VPS13B: variants seen among roughly 807,000 people sequenced by gnomAD.
VPS13B encodes vacuolar protein sorting 13 homolog B.
Under a neutral mutation model 426.4 loss-of-function variants are expected in VPS13B, and 285 were observed. That is an observed-to-expected ratio of 0.67 (90% CI 0.61 to 0.74). The LOEUF is 0.74. VPS13B is among the 30% of genes least tolerant of loss of function. VPS13B has a pLI of 0.00. For missense variants in VPS13B, 4,537 were observed against 4,782.6 expected (o/e 0.95, Z 1.51); for synonymous variants, 1,676 against 1,676.4 (o/e 1.00, Z 0.01).
chr8:99,772,774 G>A (rs115980347), intron 40 of VPS13B, among the ~76,000 whole-genome samples: 2,019 of 152,268 alleles, frequency 0.013, 36 homozygotes, highest in African/African-American at 0.045. Flanking sequence ...AACAACCATT[G>A]TAAGGAGTGG....
At chr8:99,250,675 T>C (rs1817456981) in intron 17 of VPS13B, among the ~76,000 whole-genome samples, 1 of 62,226 alleles carries the variant, frequency 1.6e-5, no homozygotes, top group South Asian at 6.7e-4. Flanking sequence ...TTTTTTTTTT[T>C]TTTTTTTTTT....
intron 34 of VPS13B, among the ~76,000 whole-genome samples, chr8:99,645,273 A>G (rs999172317): frequency 6.6e-6 from 1 of 152,208 alleles, no homozygotes. Flanking sequence ...GTATACCTAT[A>G]TCATTATGCA....
At chr8:99,192,304 C>T (rs1294667915) in intron 16 of VPS13B, among the ~76,000 whole-genome samples, 1 of 152,150 alleles carries the variant, frequency 6.6e-6, no homozygotes, top group Non-Finnish European at 1.5e-5. Flanking sequence ...AATGTAAATA[C>T]TTCATAAATA....
intron 43 of VPS13B, among the ~76,000 whole-genome samples, chr8:99,785,358 A>G (rs1366545061): frequency 6.6e-6 from 1 of 152,132 alleles, no homozygotes; most frequent in Non-Finnish European, 1.5e-5. Context: ...AATACATTAT[A>G]CCCCTTGGGC....
chr8:99,477,244 C>G (rs922729608), intron 24 of VPS13B, among the ~76,000 whole-genome samples: 1 of 152,136 alleles, frequency 6.6e-6, no homozygotes, highest in Non-Finnish European at 1.5e-5. Context: ...CTAAAATGCA[C>G]GCAGACATAC....
chr8:99,059,294 T>C (rs1347806372), intron 3 of VPS13B, among the ~76,000 whole-genome samples: 2 of 152,164 alleles, frequency 1.3e-5, no homozygotes, highest in African/African-American at 4.8e-5. Flanking sequence ...AAGCCACCAA[T>C]GCCCGGCTAA....
intron 20 of VPS13B, among the ~76,000 whole-genome samples, chr8:99,385,581 G>A (rs1368917410): frequency 6.6e-6 from 1 of 152,132 alleles, no homozygotes; most frequent in African/African-American, 2.4e-5. Flanking sequence ...GTACACCATG[G>A]CCACAGAAAT....
intron 35 of VPS13B, among the ~76,000 whole-genome samples, chr8:99,690,975 A>G: frequency 6.6e-6 from 1 of 152,212 alleles, no homozygotes; most frequent in Non-Finnish European, 1.5e-5. Context: ...TTATTAACTG[A>G]TAATGGATAA....
chr8:99,328,275 G>A (rs1484397790), intron 19 of VPS13B, among the ~76,000 whole-genome samples: 1 of 152,142 alleles, frequency 6.6e-6, no homozygotes. Flanking sequence ...TGGTAAAATT[G>A]TCTTCCACAA....
chr8:99,446,655 A>G (rs1338780570), intron 23 of VPS13B, among the ~76,000 whole-genome samples: 5 of 151,830 alleles, frequency 3.3e-5, no homozygotes, highest in African/African-American at 7.3e-5. Flanking sequence ...TTTCTTTTCA[A>G]TTGTGTCTAA....
At chr8:99,060,829 C>CT (rs960655807) in intron 3 of VPS13B, among the ~76,000 whole-genome samples, 1 of 149,910 alleles carries the variant, frequency 6.7e-6, no homozygotes, top group Non-Finnish European at 1.5e-5. Flanking sequence ...ATTTTTTTTT[C>CT]TTTTTGAGCT....
At chr8:99,468,505 T>C (rs1819233257) in intron 24 of VPS13B, among the ~76,000 whole-genome samples, 1 of 152,024 alleles carries the variant, frequency 6.6e-6, no homozygotes, top group South Asian at 2.1e-4. Flanking sequence ...TTATTTGTTA[T>C]ATTTGTTATA....
At chr8:99,317,137 T>C (rs1036255953) in intron 19 of VPS13B, among the ~76,000 whole-genome samples, 2 of 152,232 alleles carry the variant, frequency 1.3e-5, no homozygotes, top group Admixed American at 1.3e-4. Context: ...GCTCTGTTTA[T>C]AAGCAAAACC....
chr8:99,830,025 G>A (rs762964288), intron 51 of VPS13B, among the ~76,000 whole-genome samples: 8 of 152,186 alleles, frequency 5.3e-5, no homozygotes, highest in African/African-American at 9.7e-5. Context: ...CCTGTATGAG[G>A]TGTCTGTCAA....
intron 2 of VPS13B, among the ~76,000 whole-genome samples, chr8:99,034,316 G>A (rs1377002144): frequency 1.3e-5 from 2 of 152,236 alleles, no homozygotes; most frequent in East Asian, 1.9e-4. Flanking sequence ...ATTGTTTGGA[G>A]GTTGTTTAAA....
At chr8:99,366,110 A>T (rs1812870863) in intron 19 of VPS13B, among the ~76,000 whole-genome samples, 1 of 152,078 alleles carries the variant, frequency 6.6e-6, no homozygotes, top group African/African-American at 2.4e-5. Context: ...TATTAGGTCC[A>T]TTTGGTCTAC....
intron 39 of VPS13B, among the ~76,000 whole-genome samples, chr8:99,740,889 T>C (rs552218703): frequency 0.064 from 9,697 of 151,768 alleles, 433 homozygotes; most frequent in African/African-American, 0.13. Context: ...GTAAAGACCA[T>C]CGAGGCTAGG....
intron 25 of VPS13B, among the ~76,000 whole-genome samples, chr8:99,491,835 T>C (rs1353774908): frequency 1.6e-4 from 24 of 152,214 alleles, no homozygotes; most frequent in Admixed American, 1.6e-3. Context: ...AGAAGTTTGT[T>C]ATTACCGACC....
At chr8:99,022,485 T>C (rs546557466) in intron 2 of VPS13B, among the ~76,000 whole-genome samples, 51 of 152,296 alleles carry the variant, frequency 3.3e-4, no homozygotes, top group Non-Finnish European at 6.2e-4. Flanking sequence ...CAGCAGCACA[T>C]TGTCTGTATG....
Sources: allele counts gnomAD v4.1 joint callset (sites outside exome capture counted in the v4.1 genomes callset), GRCh38; gene constraint gnomAD v4.1.1; transcripts MANE v1.5; gene names NCBI Gene and HGNC (gene_info 2026-07-23, HGNC 2026-07-21).